The following AKAP13 variants were observed in gnomAD, a reference collection of about 807,000 sequenced individuals.
AKAP13 encodes the protein A-kinase anchor protein 13.
AKAP13 carries 80 observed loss-of-function variants against 264.5 expected under a neutral mutation model. The ratio of observed to expected loss-of-function variants is 0.30; its 90% CI spans 0.25 to 0.36. AKAP13 has a LOEUF of 0.36. AKAP13 is among the 10% of genes least tolerant of loss of function. The pLI is 1.00. For missense variants in AKAP13, 3,712 were observed against 3,435.2 expected, an observed-to-expected ratio of 1.08 and a Z score of -2.01; for synonymous variants, 1,380 against 1,250.2, an observed-to-expected ratio of 1.10 and a Z score of -2.19.
chr15:85,480,709 C>G (rs546660378), intron 1 of AKAP13, among the ~76,000 whole-genome samples: 5 of 151,740 alleles, frequency 3.3e-5, no homozygotes, highest in Non-Finnish European at 5.9e-5. Flanking sequence ...TTTTTTGAGA[C>G]AGAGTTTCTC....
At chr15:85,426,955 GTT>G (rs71468105) in intron 1 of AKAP13, among the ~76,000 whole-genome samples, 7 of 125,068 alleles carry the variant, frequency 5.6e-5, no homozygotes, top group Admixed American at 8.5e-5. Context: ...GTTTTGTTTT[GTT>G]TTTTTTTTTT....
chr15:85,641,020 A>G (rs1161061172), intron 9 of AKAP13, among the ~76,000 whole-genome samples: 2 of 152,190 alleles, frequency 1.3e-5, no homozygotes, highest in African/African-American at 4.8e-5. Context: ...GAATTATGCT[A>G]CTGAGCTTCA....
At chr15:85,588,257 G>A (rs541904093) in intron 8 of AKAP13, among the ~76,000 whole-genome samples, 5 of 152,290 alleles carry the variant, frequency 3.3e-5, no homozygotes, top group African/African-American at 1.2e-4. Flanking sequence ...GTATGAAGGT[G>A]CTGACTGTTC....
At position 85,417,409 on chromosome 15, in the gene AKAP13, CA is replaced by C. The variant is rs577856965; in HGVS notation, c.-12+36613del. ...TGGTGGAATCGAAATAGCGTATGAGCAATGGGCGTTTAAGTTAGAAAATATT... is the reference window on the plus strand; with the variant it reads ...TGGTGGAATCGAAATAGCGTATGAGCATGGGCGTTTAAGTTAGAAAATATT... On this transcript the variant is annotated intron_variant, in intron 1 of 36. Coordinates refer to ENST00000394518, the MANE Select transcript of AKAP13 (RefSeq NM_007200.5). 2.7e-4 allele frequency among the ~76,000 whole-genome samples: 41 copies of C among 152,240 alleles called. 1 individual carries two copies. Among genetic ancestry groups the C allele is most frequent in the African/African-American group, 9.6e-4 (40 of 41,530 alleles).
intron 1 of AKAP13, among the ~76,000 whole-genome samples, chr15:85,455,689 G>C (rs2074258969): frequency 1.3e-5 from 2 of 151,926 alleles, no homozygotes; most frequent in South Asian, 4.2e-4. Flanking sequence ...GTGTCTTCTT[G>C]AAGGTATATG....
At chr15:85,656,747 C>G (rs2151522283) in intron 11 of AKAP13, among the ~76,000 whole-genome samples, 1 of 152,328 alleles carries the variant, frequency 6.6e-6, no homozygotes, top group East Asian at 1.9e-4. Flanking sequence ...CGCGCCTGGC[C>G]TGAATTTGAC....
chr15:85,588,535 CTA>C (rs978952691), intron 8 of AKAP13, among the ~76,000 whole-genome samples: 57 of 152,288 alleles, frequency 3.7e-4, no homozygotes, highest in African/African-American at 1.2e-3. Context: ...GTACTTGGCT[CTA>C]GACCCTTTGC....
intron 1 of AKAP13, among the ~76,000 whole-genome samples, chr15:85,462,207 C>A (rs1294113414): frequency 6.6e-6 from 1 of 152,148 alleles, no homozygotes; most frequent in Non-Finnish European, 1.5e-5. Context: ...CCATAGGAAG[C>A]CTTCAGTGGT....
intron 12 of AKAP13, among the ~76,000 whole-genome samples, chr15:85,661,117 TGGCCCAGGTAGCA>T (rs1412125850): frequency 6.6e-6 from 1 of 152,230 alleles, no homozygotes; most frequent in Non-Finnish European, 1.5e-5. Context: ...TAGAACTTTA[TGGCCCAGGTAGCA>T]GGGTATTTTT....
intron 12 of AKAP13, among the ~76,000 whole-genome samples, chr15:85,661,261 C>T (rs1476698764): frequency 6.6e-6 from 1 of 152,048 alleles, no homozygotes; most frequent in African/African-American, 2.4e-5. Context: ...ATTTCCAACC[C>T]CAGATTTTCT....
intron 1 of AKAP13, among the ~76,000 whole-genome samples, chr15:85,439,314 G>GA (rs1021476681): frequency 2.0e-5 from 3 of 147,416 alleles, no homozygotes; most frequent in African/African-American, 7.5e-5. Context: ...AAAAAGTCAG[G>GA]AAACAACAGG....
intron 1 of AKAP13, among the ~76,000 whole-genome samples, chr15:85,399,543 T>TAAAA (rs2071321986): frequency 2.4e-5 from 3 of 123,140 alleles, no homozygotes; most frequent in South Asian, 2.4e-4. Flanking sequence ...AAAAAATAAA[T>TAAAA]AAATAAATAA....
At position 85,618,593 on chromosome 15, in the gene AKAP13, G is replaced by A. The variant is rs570808829; in HGVS notation, c.4162-20781G>A. Among the ~76,000 whole-genome samples the A allele has an allele frequency of 1.8e-3, 274 of 152,126 alleles. 1 individual carries two copies. Among genetic ancestry groups the A allele is most frequent in the Non-Finnish European group, 3.0e-3 (206 of 68,008 alleles). ...CTCAGGTGAGAGAATGCATTCTGAAGTAAGTCTGTCCCTGAGAATGTTAGA... is the reference window on the plus strand; with the variant it reads ...CTCAGGTGAGAGAATGCATTCTGAAATAAGTCTGTCCCTGAGAATGTTAGA... On this transcript the variant is annotated intron_variant, in intron 8 of 36. Coordinates refer to ENST00000394518, the MANE Select transcript of AKAP13 (RefSeq NM_007200.5).
chr15:85,583,037 C>T (rs371688803), intron 7 of AKAP13: 35 of 985,440 alleles, frequency 3.6e-5, no homozygotes, highest in Admixed American at 3.1e-4. Context: ...GAAGCTGAAA[C>T]GGGAGTCGGA....
chr15:85,497,636 C>G (rs1394451814), intron 2 of AKAP13, among the ~76,000 whole-genome samples: 1 of 152,120 alleles, frequency 6.6e-6, no homozygotes, highest in Non-Finnish European at 1.5e-5. Flanking sequence ...AGTCATTAGC[C>G]ACATGTGACT....
At chr15:85,699,441 T>C (rs1353198017) in intron 17 of AKAP13, among the ~76,000 whole-genome samples, 2 of 139,876 alleles carry the variant, frequency 1.4e-5, no homozygotes, top group Non-Finnish European at 3.0e-5. Flanking sequence ...TGAAACTCTA[T>C]CTCAAAAAAA....
At chr15:85,442,685 A>G (rs1345206607) in intron 1 of AKAP13, among the ~76,000 whole-genome samples, 1 of 151,480 alleles carries the variant, frequency 6.6e-6, no homozygotes, top group African/African-American at 2.4e-5. Context: ...GTATGAAGAA[A>G]AAACTTTCTT....
chr15:85,388,960 G>A (rs1205452383), intron 1 of AKAP13, among the ~76,000 whole-genome samples: 2 of 152,072 alleles, frequency 1.3e-5, no homozygotes, highest in Non-Finnish European at 1.5e-5. Context: ...TGTGTAAGTT[G>A]CTTGTTACAC....
intron 2 of AKAP13, among the ~76,000 whole-genome samples, chr15:85,490,449 A>G (rs1234426291): frequency 6.6e-6 from 1 of 152,208 alleles, no homozygotes; most frequent in Non-Finnish European, 1.5e-5. Flanking sequence ...TTGAAGTGAA[A>G]TCGTTTGAGT....
Sources: gnomAD v4.1 joint callset for allele counts (sites outside exome capture counted in the v4.1 genomes callset) on GRCh38, gnomAD v4.1.1 for gene constraint, MANE v1.5 for transcripts, NCBI Gene and HGNC (gene_info 2026-07-23, HGNC 2026-07-21) for gene names.